Variants in RAB30 observed in about 807,000 individuals in gnomAD.
The protein encoded by RAB30 is RAB30, member RAS oncogene family, also known as ras-related protein Rab-30.
In RAB30, 9 loss-of-function variants were observed where a neutral mutation model predicts 25.1. The ratio of observed to expected loss-of-function variants is 0.36; its 90% CI spans 0.22 to 0.63. The LOEUF is 0.63. Ranked by LOEUF, RAB30 falls within the 20% of genes least tolerant of loss-of-function variation. The probability of loss-of-function intolerance (pLI) is 0.69; values close to 1 mark genes in which losing one functional copy is unlikely to be tolerated. For missense variants in RAB30, 140 were observed against 243.5 expected (o/e 0.58, Z 2.83); for synonymous variants, 77 against 86.4 (o/e 0.89, Z 0.60).
intron 4 of RAB30, among the ~76,000 whole-genome samples, chr11:82,984,943 T>A (rs1856712625): frequency 6.6e-6 from 1 of 152,212 alleles, no homozygotes; most frequent in African/African-American, 2.4e-5. Flanking sequence ...GCATCAATAA[T>A]AATAATTGCA....
chr11:83,005,157 T>A (rs1384326807), intron 1 of RAB30, among the ~76,000 whole-genome samples: 1 of 152,130 alleles, frequency 6.6e-6, no homozygotes, highest in Non-Finnish European at 1.5e-5. Context: ...CCCAACAACC[T>A]CAAGAGAAAG....
At chr11:83,050,183 G>A (rs899559699) in intron 1 of RAB30, among the ~76,000 whole-genome samples, 10 of 152,008 alleles carry the variant, frequency 6.6e-5, no homozygotes, top group African/African-American at 2.4e-4. Context: ...TTGAGCCTGG[G>A]AGGTTGAGGC....
intron 1 of RAB30, among the ~76,000 whole-genome samples, chr11:83,063,533 C>G (rs746304002): frequency 6.6e-6 from 1 of 152,184 alleles, no homozygotes; most frequent in Non-Finnish European, 1.5e-5. Flanking sequence ...TTTCTCTCTT[C>G]CAGGGATTTC....
At chr11:83,030,194 A>G (rs148998748) in intron 1 of RAB30, among the ~76,000 whole-genome samples, 1 of 152,128 alleles carries the variant, frequency 6.6e-6, no homozygotes, top group African/African-American at 2.4e-5. Flanking sequence ...ATTTAAAAAA[A>G]TTTTTTTAAT....
At chr11:83,048,004 CTT>C (rs1188584535) in intron 1 of RAB30, among the ~76,000 whole-genome samples, 7 of 152,180 alleles carry the variant, frequency 4.6e-5, no homozygotes, top group African/African-American at 1.7e-4. Flanking sequence ...AATCCCAACA[CTT>C]TGGGAGATAA....
chr11:83,020,465 G>T (rs111888345), intron 1 of RAB30, among the ~76,000 whole-genome samples: 1 of 152,212 alleles, frequency 6.6e-6, no homozygotes, highest in East Asian at 1.9e-4. Context: ...GCGGCTCTGC[G>T]CTGGCCTGCA....
At chr11:83,034,799 A>C (rs1857951400) in intron 1 of RAB30, 1 of 152,142 alleles carries the variant, frequency 6.6e-6, no homozygotes, top group Non-Finnish European at 1.5e-5. Flanking sequence ...GTAACAGATA[A>C]GAACATTGAC....
chr11:83,014,024 A>G (rs1857360320), intron 1 of RAB30, among the ~76,000 whole-genome samples: 1 of 152,250 alleles, frequency 6.6e-6, no homozygotes, highest in South Asian at 2.1e-4. Context: ...CAAGTCACAT[A>G]TCCAGAAGCA....
At chr11:83,031,593 T>C (rs1009643207) in intron 1 of RAB30, among the ~76,000 whole-genome samples, 4 of 151,016 alleles carry the variant, frequency 2.6e-5, no homozygotes, top group African/African-American at 9.8e-5. Flanking sequence ...AATGGTGCAA[T>C]CTCGGCACAC....
chr11:82,987,554 A>G lies in RAB30; in HGVS notation c.361+33T>C, dbSNP rs766565659. On this transcript the variant is annotated intron_variant, in intron 4 of 4. Transcript: ENST00000527633. ...GATTATAAATCCTCTAATGCCCACA[A>G]ATCAATTTCCCTCCTCGTTAGCCCT... 3 of 1,572,662 alleles carry G rather than the reference A, an allele frequency of 1.9e-6. No homozygotes were observed. In the South Asian group the frequency reaches 3.4e-5, roughly 18 times the overall value.
rs781080259 is a variant in RAB30 at position 82,997,146 on chromosome 11, G to C, written c.93+78C>G. 1.3e-5 allele frequency: 16 copies of C among 1,241,588 alleles called. No homozygotes were observed. The African/African-American group carries it at 1.9e-4, about 15-fold the overall frequency. 76.9% of individuals were successfully genotyped at this position (1,241,588 alleles called of 1,614,324 possible). ...GGCATTGAAACTGGTCATCCATCTC[G>C]ACAGATTCCCCCAACCCCTCAGGCT... On this transcript the variant is annotated intron_variant, in intron 2 of 4. Coordinates refer to ENST00000527633, the MANE Select transcript of RAB30 (RefSeq NM_001286060.2).
At chr11:83,015,157 T>A (rs1268115454) in intron 1 of RAB30, among the ~76,000 whole-genome samples, 2 of 152,236 alleles carry the variant, frequency 1.3e-5, no homozygotes, top group East Asian at 1.9e-4. Context: ...TTAACATTTT[T>A]AAAATTTTTT....
At position 83,030,318 on chromosome 11, in the gene RAB30, G is replaced by A. The variant is rs115194316; in HGVS notation, c.-8-32994C>T. Among the ~76,000 whole-genome samples the A allele has an allele frequency of 6.7e-3, 1,017 of 150,852 alleles. 18 individuals carry two copies. The highest frequency in any genetic ancestry group is 0.022 in the African/African-American group (912 of 40,850). ...TCAAGAGCAGCCTGGGTAACATGGTGAGACCGCATCTCTTCAAAAAAAAAA... is the reference window on the plus strand; with the variant it reads ...TCAAGAGCAGCCTGGGTAACATGGTAAGACCGCATCTCTTCAAAAAAAAAA... On this transcript the variant is annotated intron_variant, in intron 1 of 4. Coordinates refer to ENST00000527633, the MANE Select transcript of RAB30 (RefSeq NM_001286060.2).
chr11:83,068,561 T>C (rs1469474445), intron 1 of RAB30, among the ~76,000 whole-genome samples: 1 of 152,178 alleles, frequency 6.6e-6, no homozygotes, highest in Non-Finnish European at 1.5e-5. Context: ...AAAATACACC[T>C]GTAGCTCAAA....
chr11:82,986,987 A>T (rs937650045), intron 4 of RAB30: 1 of 146,606 alleles, frequency 6.8e-6, no homozygotes, highest in Non-Finnish European at 1.5e-5. Context: ...CACTACAAAC[A>T]GAGAAGTTTT....
At chr11:83,042,446 A>G (rs1002858637) in intron 1 of RAB30, among the ~76,000 whole-genome samples, 5 of 150,374 alleles carry the variant, frequency 3.3e-5, no homozygotes, top group Non-Finnish European at 5.9e-5. Flanking sequence ...AATCCTAGCT[A>G]CTCGGGAGGC....
intron 1 of RAB30, among the ~76,000 whole-genome samples, chr11:83,042,008 C>G (rs1357206393): frequency 1.4e-5 from 2 of 139,202 alleles, no homozygotes; most frequent in Non-Finnish European, 3.1e-5. Context: ...CCAGCCTGGG[C>G]AACAGAGTGA....
At chr11:83,027,975 C>G (rs150554509) in intron 1 of RAB30, among the ~76,000 whole-genome samples, 2,477 of 152,244 alleles carry the variant, frequency 0.016, 71 homozygotes, top group African/African-American at 0.057. Flanking sequence ...TCCTCCCCCT[C>G]TTAATCAGGA....
chr11:83,028,685 T>C (rs1235215890), intron 1 of RAB30, among the ~76,000 whole-genome samples: 4 of 152,170 alleles, frequency 2.6e-5, no homozygotes, highest in African/African-American at 9.7e-5. Context: ...TAGAGTGCAA[T>C]ACCCAAATAA....
Sources: gnomAD v4.1 joint callset for allele counts (sites outside exome capture counted in the v4.1 genomes callset) on GRCh38, gnomAD v4.1.1 for gene constraint, MANE v1.5 for transcripts, NCBI Gene and HGNC (gene_info 2026-07-23, HGNC 2026-07-21) for gene names.